The following PAPPA2 variants were observed in gnomAD, a reference collection of about 807,000 sequenced individuals.
PAPPA2 encodes pappalysin-2.
In PAPPA2, 86 loss-of-function variants were observed where a neutral mutation model predicts 176.4. The observed-to-expected ratio is 0.49, with a 90% CI of 0.41 to 0.58. The LOEUF is 0.58. PAPPA2 is among the 20% of genes least tolerant of loss of function. The pLI is 0.00. For synonymous variants in PAPPA2, 809 were observed against 852.2 expected (o/e 0.95, Z 0.88); for missense variants, 2,073 against 2,256.9 (o/e 0.92, Z 1.65).
At chr1:176,665,665 A>G (rs1658600331) in intron 3 of PAPPA2, among the ~76,000 whole-genome samples, 1 of 152,192 alleles carries the variant, frequency 6.6e-6, no homozygotes, top group African/African-American at 2.4e-5. Context: ...ACAAAATGCC[A>G]ATGTGTTCCT....
intron 21 of PAPPA2, among the ~76,000 whole-genome samples, chr1:176,830,999 A>G (rs549052037): frequency 2.6e-5 from 4 of 152,330 alleles, no homozygotes; most frequent in African/African-American, 9.6e-5. Flanking sequence ...TGACAAATGA[A>G]TTGTACAGGA....
chr1:176,612,682 G>GTACACA (rs1384396274), intron 3 of PAPPA2, among the ~76,000 whole-genome samples: 1 of 152,190 alleles, frequency 6.6e-6, no homozygotes, highest in African/African-American at 2.4e-5. Flanking sequence ...AGGAAGCTAT[G>GTACACA]TAGTGTAATG....
rs371375924 is a variant in PAPPA2, at chr1:176,739,757, T to G, written c.3930T>G (p.Ser1310=). The change falls in exon 13 of 23, where the codon TCT becomes TCG. Residue 1310 remains serine (S), a synonymous_variant. Transcript: ENST00000367662. ...YLTDVRGSNH[S]LGTYGLSCQH... ...CCGATGTCCGTGGAAGCAACCACTC[T>G]CTTGGTGAGTCTGACAAATATCCCT... 1 of 1,613,304 alleles carries G rather than the reference T, an allele frequency of 6.2e-7. No homozygotes were observed. The highest frequency in any genetic ancestry group is 8.5e-7 in the Non-Finnish European group (1 of 1,179,716).
At chr1:176,795,072 A>G (rs183502907) in intron 20 of PAPPA2, among the ~76,000 whole-genome samples, 1 of 152,308 alleles carries the variant, frequency 6.6e-6, no homozygotes, top group East Asian at 1.9e-4. Flanking sequence ...CCTCTGCCCA[A>G]TGCCCCTGCA....
chr1:176,508,720 G>A (rs1283914757), intron 1 of PAPPA2, among the ~76,000 whole-genome samples: 1 of 152,032 alleles, frequency 6.6e-6, no homozygotes, highest in Non-Finnish European at 1.5e-5. Flanking sequence ...TGAATCATGG[G>A]GGTGGATTTC....
At chr1:176,497,417 T>C (rs1230648721) in intron 1 of PAPPA2, among the ~76,000 whole-genome samples, 1 of 152,122 alleles carries the variant, frequency 6.6e-6, no homozygotes, top group African/African-American at 2.4e-5. Context: ...ATTATTAAAA[T>C]ATAAATAAAT....
chr1:176,548,692 TG>T (rs1185785253), intron 1 of PAPPA2, among the ~76,000 whole-genome samples: 1 of 152,164 alleles, frequency 6.6e-6, no homozygotes, highest in Non-Finnish European at 1.5e-5. Flanking sequence ...CATCTAAAAA[TG>T]GGGATCATAG....
intron 1 of PAPPA2, among the ~76,000 whole-genome samples, chr1:176,489,108 A>C (rs1340464021): frequency 6.6e-6 from 1 of 152,206 alleles, no homozygotes; most frequent in Non-Finnish European, 1.5e-5. Flanking sequence ...CCCATACGCA[A>C]ACACGAGCTG....
chr1:176,783,024 A>C (rs1306634268), intron 17 of PAPPA2, among the ~76,000 whole-genome samples: 1 of 152,226 alleles, frequency 6.6e-6, no homozygotes, highest in Non-Finnish European at 1.5e-5. Context: ...GAATAGAATC[A>C]GTGATGGCTT....
chr1:176,733,212 G>C (rs1662242735), intron 12 of PAPPA2, among the ~76,000 whole-genome samples: 1 of 152,196 alleles, frequency 6.6e-6, no homozygotes, highest in South Asian at 2.1e-4. Flanking sequence ...TTCTCTACTT[G>C]AGGAGGCAGA....
At chr1:176,478,078 G>A (rs1652223191) in intron 1 of PAPPA2, among the ~76,000 whole-genome samples, 1 of 152,190 alleles carries the variant, frequency 6.6e-6, no homozygotes, top group Non-Finnish European at 1.5e-5. Flanking sequence ...TGATCACCTT[G>A]CGTAGGAACT....
intron 1 of PAPPA2, among the ~76,000 whole-genome samples, chr1:176,489,177 T>C (rs1458305887): frequency 1.3e-5 from 2 of 152,206 alleles, no homozygotes; most frequent in Non-Finnish European, 2.9e-5. Flanking sequence ...AACACTACTA[T>C]ATATGCTATA....
At chr1:176,544,767 C>G (rs931141589) in intron 1 of PAPPA2, among the ~76,000 whole-genome samples, 3 of 152,192 alleles carry the variant, frequency 2.0e-5, no homozygotes, top group African/African-American at 4.8e-5. Context: ...TTCTCTTCAA[C>G]CTGGCTACAA....
At chr1:176,763,006 A>G (rs141343664) in intron 14 of PAPPA2, among the ~76,000 whole-genome samples, 5 of 152,382 alleles carry the variant, frequency 3.3e-5, no homozygotes, top group Admixed American at 6.5e-5. Flanking sequence ...TCCCAAGGGC[A>G]TAAGAGCAGG....
At chr1:176,762,179 A>C (rs1401442864) in intron 14 of PAPPA2, among the ~76,000 whole-genome samples, 1 of 152,202 alleles carries the variant, frequency 6.6e-6, no homozygotes, top group Non-Finnish European at 1.5e-5. Flanking sequence ...ATGGAAATAT[A>C]AGCTAGTGAA....
At chr1:176,754,016 T>TG (rs1663301825) in intron 14 of PAPPA2, among the ~76,000 whole-genome samples, 1 of 132,782 alleles carries the variant, frequency 7.5e-6, no homozygotes, top group African/African-American at 2.8e-5. Context: ...CCTTTTCAAC[T>TG]GTTTTTTTTT....
chr1:176,560,734 G>A (rs996499373), intron 2 of PAPPA2, among the ~76,000 whole-genome samples: 1 of 152,142 alleles, frequency 6.6e-6, no homozygotes, highest in Non-Finnish European at 1.5e-5. Flanking sequence ...TTCCTTTCCC[G>A]CCTTCTCAAC....
At position 176,775,085 on chromosome 1, in the gene PAPPA2, T is replaced by C. The variant is rs539023013; in HGVS notation, c.4715+3905T>C. ...AAGCCTACCAGGTCTCCCTAGACTG[T>C]AGGACTCCTCTCATAGGCTGCCATT... On this transcript the variant is annotated intron_variant, in intron 17 of 22. Coordinates refer to ENST00000367662, the MANE Select transcript of PAPPA2 (RefSeq NM_020318.3). 5.9e-5 allele frequency among the ~76,000 whole-genome samples: 9 copies of C among 152,278 alleles called. 1 individual carries two copies. Among genetic ancestry groups the C allele is most frequent in the African/African-American group, 1.4e-4 (6 of 41,568 alleles).
At chr1:176,642,088 C>T (rs536730718) in intron 3 of PAPPA2, among the ~76,000 whole-genome samples, 89 of 151,982 alleles carry the variant, frequency 5.9e-4, no homozygotes, top group African/African-American at 2.1e-3. Context: ...TGAAAGATAA[C>T]ATTCTAGTTC....
Sources: gnomAD v4.1 joint callset for allele counts (sites outside exome capture counted in the v4.1 genomes callset) on GRCh38, gnomAD v4.1.1 for gene constraint, MANE v1.5 for transcripts, NCBI Gene and HGNC (gene_info 2026-07-23, HGNC 2026-07-21) for gene names.